Variants in PGM5 observed in about 807,000 individuals in gnomAD.
PGM5 encodes phosphoglucomutase-like protein 5.
PGM5 carries 23 observed loss-of-function variants against 59.2 expected under a neutral mutation model. The ratio of observed to expected loss-of-function variants is 0.39; its 90% CI spans 0.28 to 0.55. PGM5 has a LOEUF of 0.55. PGM5 is among the 20% of genes least tolerant of loss of function. The pLI is 0.66. For missense variants in PGM5, 574 were observed against 748.3 expected (o/e 0.77, Z 2.72); for synonymous variants, 214 against 286.0 (o/e 0.75, Z 2.54).
intron 1 of PGM5, among the ~76,000 whole-genome samples, chr9:68,358,876 C>T (rs1395487397): frequency 1.2e-4 from 19 of 152,096 alleles, no homozygotes; most frequent in Admixed American, 9.2e-4. Context: ...TTTGATTTAT[C>T]TCTGGCTCCT....
At chr9:68,412,760 G>C (rs1437376083) in intron 6 of PGM5, among the ~76,000 whole-genome samples, 1 of 152,212 alleles carries the variant, frequency 6.6e-6, no homozygotes, top group Non-Finnish European at 1.5e-5. Context: ...CTTTTATAGG[G>C]CCATGTGCTA....
intron 10 of PGM5, among the ~76,000 whole-genome samples, chr9:68,506,590 A>T (rs988479888): frequency 9.2e-5 from 14 of 152,256 alleles, no homozygotes; most frequent in African/African-American, 3.4e-4. Flanking sequence ...ATTCAGAAAC[A>T]TTATGAAAAT....
At chr9:68,492,780 T>G (rs1276546183) in intron 9 of PGM5, among the ~76,000 whole-genome samples, 2 of 151,874 alleles carry the variant, frequency 1.3e-5, no homozygotes, top group African/African-American at 2.4e-5. Flanking sequence ...CAAAGAAAAA[T>G]GGGTAATTCT....
chr9:68,364,886 C>T (rs1226682809), intron 1 of PGM5, among the ~76,000 whole-genome samples: 1 of 150,426 alleles, frequency 6.6e-6, no homozygotes, highest in Non-Finnish European at 1.5e-5. Context: ...TGTCCAGAGA[C>T]CCAGATGGCA....
At position 68,357,049 on chromosome 9, in the gene PGM5, C is replaced by T. The variant is rs1205376342; in HGVS notation, c.-79C>T. ...CGCGAGGCGGAGTCCCGGCGCGCAGCCAGGCTGGTGGAGGCCCCCGGCAGG... is the reference window on the plus strand; with the variant it reads ...CGCGAGGCGGAGTCCCGGCGCGCAGTCAGGCTGGTGGAGGCCCCCGGCAGG... On this transcript the variant is annotated 5_prime_UTR_variant, in exon 1 of 11. Transcript: ENST00000396396. 9 of 1,347,888 alleles carry T rather than the reference C, an allele frequency of 6.7e-6. No individual in the cohort carries two copies. In the African/African-American group the frequency reaches 1.2e-4, roughly 19 times the overall value. 83.5% of individuals were successfully genotyped at this position (1,347,888 alleles called of 1,614,324 possible).
intron 6 of PGM5, among the ~76,000 whole-genome samples, chr9:68,456,705 G>A (rs983159352): frequency 7.6e-5 from 11 of 145,442 alleles, no homozygotes; most frequent in African/African-American, 2.8e-4. Context: ...GCTCACTGCA[G>A]CCTCCACTTC....
At chr9:68,508,393 T>C (rs1824691411) in intron 10 of PGM5, among the ~76,000 whole-genome samples, 1 of 152,228 alleles carries the variant, frequency 6.6e-6, no homozygotes, top group Non-Finnish European at 1.5e-5. Context: ...TTCCTATATG[T>C]TGTTTAAAAT....
At chr9:68,385,336 A>C (rs1197894979) in intron 3 of PGM5, among the ~76,000 whole-genome samples, 1 of 152,202 alleles carries the variant, frequency 6.6e-6, no homozygotes, top group Non-Finnish European at 1.5e-5. Flanking sequence ...GCTTGAATGC[A>C]GTTTGTGTTA....
intron 6 of PGM5, chr9:68,399,012 T>C (rs1490537423): frequency 6.6e-6 from 1 of 152,230 alleles, no homozygotes; most frequent in Non-Finnish European, 1.5e-5. Context: ...GGGTATTGTG[T>C]ATATATTTTT....
intron 6 of PGM5, among the ~76,000 whole-genome samples, chr9:68,421,569 T>C (rs1408171620): frequency 6.6e-6 from 1 of 151,770 alleles, no homozygotes; most frequent in Non-Finnish European, 1.5e-5. Context: ...ATACAAAAAT[T>C]AGTCAGGCAT....
chr9:68,487,083 CAT>C (rs1824307732), intron 9 of PGM5, among the ~76,000 whole-genome samples: 1 of 152,096 alleles, frequency 6.6e-6, no homozygotes, highest in South Asian at 2.1e-4. Flanking sequence ...TCAGAGGAGA[CAT>C]AATACTGCCA....
intron 6 of PGM5, among the ~76,000 whole-genome samples, chr9:68,460,714 C>T (rs1357793656): frequency 1.3e-5 from 2 of 152,116 alleles, no homozygotes; most frequent in African/African-American, 4.8e-5. Flanking sequence ...TTAACAACTC[C>T]TTAAATAATA....
intron 6 of PGM5, among the ~76,000 whole-genome samples, chr9:68,447,158 C>T (rs1383807592): frequency 2.0e-5 from 3 of 152,058 alleles, no homozygotes; most frequent in Admixed American, 6.6e-5. Flanking sequence ...GGTGCCAAGC[C>T]GGAGGGAGGG....
chr9:68,494,653 T>C (rs57696387), intron 9 of PGM5, among the ~76,000 whole-genome samples: 17 of 152,340 alleles, frequency 1.1e-4, no homozygotes, highest in African/African-American at 2.9e-4. Flanking sequence ...AATGAGCTAA[T>C]GGTTTGCCTA....
At chr9:68,513,643 G>C (rs1554689541) in intron 10 of PGM5, among the ~76,000 whole-genome samples, 2 of 152,164 alleles carry the variant, frequency 1.3e-5, no homozygotes, top group African/African-American at 4.8e-5. Flanking sequence ...CACATTAACA[G>C]TGATCCTCAA....
At chr9:68,402,078 C>T (rs1456777882) in intron 6 of PGM5, among the ~76,000 whole-genome samples, 1 of 152,128 alleles carries the variant, frequency 6.6e-6, no homozygotes, top group African/African-American at 2.4e-5. Context: ...GCCTGGCTAA[C>T]ATGGCGAAGC....
intron 6 of PGM5, among the ~76,000 whole-genome samples, chr9:68,408,499 G>A (rs532128651): frequency 2.0e-5 from 3 of 152,220 alleles, no homozygotes; most frequent in East Asian, 1.9e-4. Context: ...AGTAGGTTGC[G>A]AAAATTTTCT....
intron 3 of PGM5, among the ~76,000 whole-genome samples, chr9:68,386,550 G>A (rs1235573416): frequency 1.1e-4 from 16 of 152,124 alleles, no homozygotes; most frequent in African/African-American, 3.9e-4. Context: ...AAGTGGGTTG[G>A]TAATATCTTC....
intron 2 of PGM5, among the ~76,000 whole-genome samples, chr9:68,383,692 T>G (rs770113426): frequency 2.0e-4 from 21 of 106,034 alleles, no homozygotes; most frequent in Admixed American, 3.3e-4. Flanking sequence ...TCAACCTTGT[T>G]GCAAAAAAAA....
Sources: gnomAD v4.1 joint callset for allele counts (sites outside exome capture counted in the v4.1 genomes callset) on GRCh38, gnomAD v4.1.1 for gene constraint, MANE v1.5 for transcripts, NCBI Gene and HGNC (gene_info 2026-07-23, HGNC 2026-07-21) for gene names.